The following TOP1 variants were observed in gnomAD, a reference collection of about 807,000 sequenced individuals.
The protein encoded by TOP1 is DNA topoisomerase 1.
Under a neutral mutation model 111.1 loss-of-function variants are expected in TOP1, and 10 were observed. That is an observed-to-expected ratio of 0.09 (90% CI 0.06 to 0.15). The LOEUF (loss-of-function observed/expected upper bound fraction) is 0.15, where lower values mean the gene tolerates loss of function less well. TOP1 is among the 10% of genes least tolerant of loss of function. TOP1 has a pLI of 1.00. For missense variants in TOP1, 474 were observed against 926.7 expected, an observed-to-expected ratio of 0.51 and a Z score of 6.34; for synonymous variants, 271 against 302.9, an observed-to-expected ratio of 0.89 and a Z score of 1.10.
At chr20:41,091,552 C>CTTTTTTTTT (rs532948716) in intron 8 of TOP1, among the ~76,000 whole-genome samples, 17 of 96,208 alleles carry the variant, frequency 1.8e-4, no homozygotes, top group South Asian at 1.1e-3. Context: ...AATTATTAAC[C>CTTTTTTTTT]TTTTTTTTTT....
Position 41,061,074 on chromosome 20 carries a change from C to T in TOP1, c.59-320C>T, listed in dbSNP as rs2033538751. Among the ~76,000 whole-genome samples the T allele has an allele frequency of 6.6e-6, 1 of 152,074 alleles. No individual in the cohort carries two copies. The highest frequency in any genetic ancestry group is 2.4e-5 in the African/African-American group (1 of 41,418). ...TTAGAGTCAGTGTTCAATACTATCC[C>T]TTTGTTATCATTTATAGGTCAGGCT... On this transcript the variant is annotated intron_variant, in intron 2 of 20. Coordinates refer to ENST00000361337, the MANE Select transcript of TOP1 (RefSeq NM_003286.4). This position sits in a 1 kb window ranked among gnomAD's most constrained non-coding sequence, Gnocchi z 4.6.
In TOP1 at chr20:41,069,785, A is replaced by G. The variant is rs2033648701; in HGVS notation, c.156-6386A>G. On this transcript the variant is annotated intron_variant, in intron 3 of 20. Coordinates refer to ENST00000361337, the MANE Select transcript of TOP1 (RefSeq NM_003286.4). This position sits in a 1 kb window ranked among gnomAD's most constrained non-coding sequence, Gnocchi z 4.1. ...TATTTTCAATATTATATTTATCCCT[A>G]TCATAGTACGCCATAATCATTGTTT... Among the ~76,000 whole-genome samples, 1 of 152,214 alleles carries G rather than the reference A, an allele frequency of 6.6e-6. No homozygotes were observed. Among genetic ancestry groups the G allele is most frequent in the Non-Finnish European group, 1.5e-5 (1 of 68,034 alleles).
intron 3 of TOP1, chr20:41,072,852 T>A: frequency 2.0e-6 from 2 of 985,460 alleles, no homozygotes; most frequent in South Asian, 9.4e-5. Flanking sequence ...TCATCTGTAT[T>A]CAGCTAGTAT....
chr20:41,095,094 C>T lies in TOP1; in HGVS notation c.731-2126C>T, dbSNP rs1041071222. Among the ~76,000 whole-genome samples, 1 of 152,134 alleles carries T rather than the reference C, an allele frequency of 6.6e-6. No homozygotes were observed. The highest frequency in any genetic ancestry group is 1.5e-5 in the Non-Finnish European group (1 of 68,036). On this transcript the variant is annotated intron_variant, in intron 9 of 20. Coordinates refer to ENST00000361337, the MANE Select transcript of TOP1 (RefSeq NM_003286.4). This position sits in a 1 kb window ranked among gnomAD's most constrained non-coding sequence, Gnocchi z 4.6. Reference sequence around the variant, plus strand: ...TGAGACAGAGTCACACTCTGTCACCCAGGCTGGAGTGCAGTGGCACAATCT... The same window carrying T: ...TGAGACAGAGTCACACTCTGTCACCTAGGCTGGAGTGCAGTGGCACAATCT...
chr20:41,041,184 A>G (rs968995881), intron 2 of TOP1, among the ~76,000 whole-genome samples: 1 of 152,086 alleles, frequency 6.6e-6, no homozygotes, highest in Non-Finnish European at 1.5e-5. Flanking sequence ...TGTTTTCCTT[A>G]TTAAGAAGTG....
chr20:41,113,475 T>G (rs1341149434), intron 14 of TOP1, among the ~76,000 whole-genome samples: 1 of 150,978 alleles, frequency 6.6e-6, no homozygotes, highest in Non-Finnish European at 1.5e-5. Flanking sequence ...TCATAGTGAG[T>G]GGGGGAGGAA....
rs1329445912 is a variant in TOP1, at chr20:41,121,424, G to T, written c.1951-272G>T. On this transcript the variant is annotated intron_variant, in intron 18 of 20. Coordinates refer to ENST00000361337, the MANE Select transcript of TOP1 (RefSeq NM_003286.4). The surrounding 1 kb of genome is among the most constrained non-coding windows in gnomAD (Gnocchi z 4.2). Reference sequence around the variant, plus strand: ...TCTCTGATGGAAAGATCAGCACCCAGATTCCCAGCCCCAGCGGGTTCCTTT... The same window carrying T: ...TCTCTGATGGAAAGATCAGCACCCATATTCCCAGCCCCAGCGGGTTCCTTT... 6.6e-6 allele frequency among the ~76,000 whole-genome samples: 1 copy of T among 152,220 alleles called. No homozygotes were observed. Among genetic ancestry groups the T allele is most frequent in the Non-Finnish European group, 1.5e-5 (1 of 68,038 alleles).
At chr20:41,040,211 A>T (rs1025330473) in intron 2 of TOP1, among the ~76,000 whole-genome samples, 2 of 152,242 alleles carry the variant, frequency 1.3e-5, no homozygotes, top group Non-Finnish European at 2.9e-5. Flanking sequence ...GGTAATACAT[A>T]AAAGCTGTTA....
rs61582714 is a variant in TOP1 at position 41,030,475 on chromosome 20, CTT to C, written c.58+1032_58+1033del. Among the ~76,000 whole-genome samples, 2 of 141,324 alleles carry C rather than the reference CTT, an allele frequency of 1.4e-5. No homozygotes were observed. 92.7% of individuals were successfully genotyped at this position (141,324 alleles called of 152,430 possible). On this transcript the variant is annotated intron_variant, in intron 2 of 20. Transcript: ENST00000361337. The surrounding 1 kb of genome is among the most constrained non-coding windows in gnomAD (Gnocchi z 4.1). ...CTGTTTTTCAGGAATCAAGAACTGG[CTT>C]TTTTTTTTTTTCCCAATTCTTTATG...
At position 41,082,957 on chromosome 20, in the gene TOP1, T is replaced by C. The variant is rs957073670; in HGVS notation, c.508-1505T>C. ...TATTCTATTTAGCAGCCCTACCACA[T>C]AGGGGGAAAAATGCTGGCTGAAAGA... On this transcript the variant is annotated intron_variant, in intron 7 of 20. Transcript: ENST00000361337. This position sits in a 1 kb window ranked among gnomAD's most constrained non-coding sequence, Gnocchi z 4.1. 9.9e-5 allele frequency among the ~76,000 whole-genome samples: 15 copies of C among 152,098 alleles called. No homozygotes were observed. The highest frequency in any genetic ancestry group is 3.3e-4 in the Admixed American group (5 of 15,276).
chr20:41,098,179 T>C lies in TOP1; in HGVS notation c.853-36T>C. On this transcript the variant is annotated intron_variant, in intron 10 of 20. Coordinates refer to ENST00000361337, the MANE Select transcript of TOP1 (RefSeq NM_003286.4). This position sits in a 1 kb window ranked among gnomAD's most constrained non-coding sequence, Gnocchi z 5.7. ...CAAGGACTTATTAGTGTATTTTCGTTGTTTTTCTTTCATCTCCCCATTTTC... is the reference window on the plus strand; with the variant it reads ...CAAGGACTTATTAGTGTATTTTCGTCGTTTTTCTTTCATCTCCCCATTTTC... The C allele has an allele frequency of 6.2e-7, 1 of 1,610,896 alleles. No homozygotes were observed. Among genetic ancestry groups the C allele is most frequent in the Non-Finnish European group, 8.5e-7 (1 of 1,177,244 alleles).
At chr20:41,037,087 C>T (rs2033198285) in intron 2 of TOP1, among the ~76,000 whole-genome samples, 1 of 152,140 alleles carries the variant, frequency 6.6e-6, no homozygotes, top group South Asian at 2.1e-4. Context: ...GCCTCGGCCT[C>T]CCAAAGTGCT....
rs2034063528 is a variant in TOP1 at position 41,101,488 on chromosome 20, A to T, written c.1308+135A>T. 5 of 952,118 alleles carry T rather than the reference A, an allele frequency of 5.3e-6. No homozygotes were observed. Among genetic ancestry groups the T allele is most frequent in the Non-Finnish European group, 7.6e-6 (5 of 654,754 alleles). 59.0% of individuals were successfully genotyped at this position (952,118 alleles called of 1,614,324 possible). A position where few individuals can be genotyped will look rare whatever the true frequency, so the allele number is the denominator to read the frequency against. On this transcript the variant is annotated intron_variant, in intron 13 of 20. Coordinates refer to ENST00000361337, the MANE Select transcript of TOP1 (RefSeq NM_003286.4). This position sits in a 1 kb window ranked among gnomAD's most constrained non-coding sequence, Gnocchi z 4.1. ...CCATTGAAAGAAGGCAAGTACTTTCATAGTTAGCATTATGGTGATCTTCCT... is the reference window on the plus strand; with the variant it reads ...CCATTGAAAGAAGGCAAGTACTTTCTTAGTTAGCATTATGGTGATCTTCCT...
At chr20:41,085,076 C>G (rs1002975077) in intron 8 of TOP1, among the ~76,000 whole-genome samples, 3 of 102,228 alleles carry the variant, frequency 2.9e-5, no homozygotes, top group African/African-American at 1.6e-4. Flanking sequence ...CACCTTCATG[C>G]CATTTAAAAA....
At chr20:41,088,583 G>A (rs1163440151) in intron 8 of TOP1, among the ~76,000 whole-genome samples, 1 of 152,130 alleles carries the variant, frequency 6.6e-6, no homozygotes, top group African/African-American at 2.4e-5. Context: ...AAAGGGTGGC[G>A]TTCGGAATCT....
At position 41,029,437 on chromosome 20, in the gene TOP1, G is replaced by A; in HGVS notation, c.40G>A (p.Ala14Thr). The stretch of plus-strand genomic sequence containing the variant: ...TCTCCTTTTCTTTTTCCAGATCGAA[G>A]CGGATTTCCGATTGAATGGTGAGTG... ...DHLHNDSQIE[A>T]DFRLNDSHKH... The change falls in exon 2 of 21, where the codon GCG (alanine) becomes ACG (threonine). Residue 14 changes from alanine to threonine, a missense_variant. Ala to Thr is a moderately conservative substitution (Grantham distance 58, BLOSUM62 0). Coordinates refer to ENST00000361337, the MANE Select transcript of TOP1 (RefSeq NM_003286.4). This position sits in a 1 kb window ranked among gnomAD's most constrained non-coding sequence, Gnocchi z 6.1. 1.3e-6 allele frequency: 2 copies of A among 1,493,672 alleles called. No individual in the cohort carries two copies. Among genetic ancestry groups the A allele is most frequent in the Non-Finnish European group, 1.8e-6 (2 of 1,119,942 alleles). 92.5% of individuals were successfully genotyped at this position (1,493,672 alleles called of 1,614,324 possible). A position where few individuals can be genotyped will look rare whatever the true frequency, so the allele number is the denominator to read the frequency against.
In TOP1 at chr20:41,075,296, C is replaced by T. The variant is rs527953359; in HGVS notation, c.156-875C>T. 1.5e-3 allele frequency among the ~76,000 whole-genome samples: 229 copies of T among 152,266 alleles called. 1 individual carries two copies. Among genetic ancestry groups the T allele is most frequent in the Non-Finnish European group, 6.9e-4 (47 of 68,014 alleles). Reference sequence around the variant, plus strand: ...ATGCCATTCTCCTGCCTCAGCCTCCCGAGTAGCTGGGACTACAGGCGCCTG... The same window carrying T: ...ATGCCATTCTCCTGCCTCAGCCTCCTGAGTAGCTGGGACTACAGGCGCCTG... On this transcript the variant is annotated intron_variant, in intron 3 of 20. Transcript: ENST00000361337.
chr20:41,045,325 A>T (rs74787454), intron 2 of TOP1, among the ~76,000 whole-genome samples: 10,331 of 152,134 alleles, frequency 0.068, 374 homozygotes, highest in Middle Eastern at 0.16. Flanking sequence ...ATTTGATGTT[A>T]TGAGTTTGAA....
chr20:41,084,621 C>T lies in TOP1; in HGVS notation c.614+53C>T, dbSNP rs535329779. ...CCACCTTTTTTATTGCATATCCTTACGAAGCAAGAGTATTGAGTTATTAAA... is the reference window on the plus strand; with the variant it reads ...CCACCTTTTTTATTGCATATCCTTATGAAGCAAGAGTATTGAGTTATTAAA... On this transcript the variant is annotated intron_variant, in intron 8 of 20. Coordinates refer to ENST00000361337, the MANE Select transcript of TOP1 (RefSeq NM_003286.4). 2.7e-5 allele frequency: 28 copies of T among 1,038,980 alleles called. No homozygotes were observed. In the East Asian group the frequency reaches 3.2e-4, roughly 12 times the overall value. The allele number at this position is 1,038,980 out of a possible 1,614,324, so 64.4% of individuals were successfully genotyped here.
Sources: gnomAD v4.1 joint callset for allele counts (sites outside exome capture counted in the v4.1 genomes callset) on GRCh38, gnomAD v4.1.1 for gene constraint, Gnocchi (gnomAD v3.1) non-coding constraint, MANE v1.5 for transcripts, NCBI Gene and HGNC (gene_info 2026-07-23, HGNC 2026-07-21) for gene names.